Variants in PDZRN3 observed in about 807,000 individuals in gnomAD.
PDZRN3 encodes E3 ubiquitin-protein ligase PDZRN3.
A neutral mutation model predicts 85.7 loss-of-function variants in PDZRN3; 38 were observed. That is an observed-to-expected ratio of 0.44 (90% CI 0.34 to 0.58). The LOEUF (loss-of-function observed/expected upper bound fraction) is 0.58, where lower values mean the gene tolerates loss of function less well. PDZRN3 is among the 20% of genes least tolerant of loss of function. PDZRN3 has a pLI of 0.01. For missense variants in PDZRN3, 1,629 were observed against 1,506.4 expected, an observed-to-expected ratio of 1.08 and a Z score of -1.35; for synonymous variants, 759 against 638.0, an observed-to-expected ratio of 1.19 and a Z score of -2.86.
intron 3 of PDZRN3, among the ~76,000 whole-genome samples, chr3:73,593,014 TA>T (rs1702381414): frequency 6.6e-6 from 1 of 151,980 alleles, no homozygotes; most frequent in Admixed American, 6.6e-5. Flanking sequence ...AGCCCATCCC[TA>T]ACACACCTTC....
chr3:73,518,278 A>T (rs1469627737), intron 3 of PDZRN3, among the ~76,000 whole-genome samples: 1 of 152,228 alleles, frequency 6.6e-6, no homozygotes, highest in Non-Finnish European at 1.5e-5. Flanking sequence ...GTATGATACC[A>T]CCTATGTGGT....
chr3:73,624,798 C>T lies in PDZRN3; in HGVS notation c.28G>A (p.Gly10Ser). 1 of 1,393,836 alleles carries T rather than the reference C, an allele frequency of 7.2e-7. No homozygotes were observed. Among genetic ancestry groups the T allele is most frequent in the Non-Finnish European group, 9.3e-7 (1 of 1,076,910 alleles). 86.3% of individuals were successfully genotyped at this position (1,393,836 alleles called of 1,614,324 possible). ...CACTTCAGGTCCGGGTCCACGTCGC[C>T]GTCGAAGCGGTCCAGCTCGAAGCCC... is the stretch of plus-strand genomic sequence containing the variant. MGFELDRFD[G>S]DVDPDLKCAL... The change falls in exon 1 of 10, where the codon GGC becomes AGC. Residue 10 changes from glycine to serine, a missense_variant. Coordinates refer to ENST00000263666, the MANE Select transcript of PDZRN3 (RefSeq NM_015009.3).
chr3:73,385,535 T>G (rs1013374992), intron 9 of PDZRN3, 134 bp downstream of exon 9: 6 of 639,274 alleles, frequency 9.4e-6, no homozygotes, highest in Non-Finnish European at 1.4e-5. Context: ...GAAAAGTACT[T>G]GAGGCTGTTT....
chr3:73,469,140 C>T (rs1703283273), intron 3 of PDZRN3, among the ~76,000 whole-genome samples: 1 of 150,972 alleles, frequency 6.6e-6, no homozygotes, highest in Non-Finnish European at 1.5e-5. Context: ...GTGGCACAAT[C>T]TCGGCTCACT....
At chr3:73,549,655 G>A (rs972603417) in intron 3 of PDZRN3, among the ~76,000 whole-genome samples, 15 of 152,282 alleles carry the variant, frequency 9.9e-5, no homozygotes, top group African/African-American at 3.1e-4. Flanking sequence ...CCCAAGAATC[G>A]GAGAAAGAGA....
At chr3:73,457,788 C>T (rs1559690064) in intron 3 of PDZRN3, among the ~76,000 whole-genome samples, 1 of 152,094 alleles carries the variant, frequency 6.6e-6, no homozygotes, top group Non-Finnish European at 1.5e-5. Flanking sequence ...CAGAAAGCAC[C>T]CTTGCCCTTC....
At chr3:73,581,847 C>G (rs537862646) in intron 3 of PDZRN3, among the ~76,000 whole-genome samples, 2 of 151,078 alleles carry the variant, frequency 1.3e-5, no homozygotes, top group Non-Finnish European at 2.9e-5. Flanking sequence ...ATCTGTAATC[C>G]CAGCACTTTG....
intron 3 of PDZRN3, among the ~76,000 whole-genome samples, chr3:73,586,615 A>AC (rs1470418127): frequency 1.3e-5 from 2 of 152,118 alleles, no homozygotes; most frequent in Non-Finnish European, 2.9e-5. Context: ...GGGACACTTC[A>AC]CCGGGGGGGT....
At chr3:73,557,795 C>A (rs1341147319) in intron 3 of PDZRN3, among the ~76,000 whole-genome samples, 2 of 152,084 alleles carry the variant, frequency 1.3e-5, no homozygotes, top group Non-Finnish European at 2.9e-5. Flanking sequence ...TTTAAAATAT[C>A]ATTTAAAATC....
At chr3:73,437,849 C>T (rs932467295) in intron 3 of PDZRN3, among the ~76,000 whole-genome samples, 4 of 152,050 alleles carry the variant, frequency 2.6e-5, no homozygotes, top group Admixed American at 1.3e-4. Context: ...GGTTCACCTG[C>T]TTGATGATAC....
chr3:73,493,590 G>T (rs73098429), intron 3 of PDZRN3, among the ~76,000 whole-genome samples: 4 of 152,190 alleles, frequency 2.6e-5, no homozygotes, highest in Non-Finnish European at 5.9e-5. Context: ...TGCACCTCTT[G>T]TTTCTGCCCG....
intron 3 of PDZRN3, 133 bp downstream of exon 3, chr3:73,602,221 T>C (rs1702525402): frequency 1.6e-6 from 1 of 637,946 alleles, no homozygotes; most frequent in Admixed American, 2.6e-5. Flanking sequence ...TCCCACACAA[T>C]GGGAAAAGTG....
chr3:73,466,000 T>C (rs756687899), intron 3 of PDZRN3, among the ~76,000 whole-genome samples: 2 of 152,178 alleles, frequency 1.3e-5, no homozygotes, highest in African/African-American at 2.4e-5. Flanking sequence ...GAAGATTGTA[T>C]TTTCCTGATT....
intron 2 of PDZRN3, among the ~76,000 whole-genome samples, chr3:73,604,569 C>G (rs1702566058): frequency 6.6e-6 from 1 of 151,972 alleles, no homozygotes; most frequent in Non-Finnish European, 1.5e-5. Flanking sequence ...ATTCAGAAGT[C>G]CAACATTTCA....
chr3:73,434,017 G>A lies in PDZRN3; in HGVS notation c.919-29622C>T, dbSNP rs549872040. ...AGCTGGATTGTGGTCCAATGCACAC[G>A]CTATATATACTGCTGCTCATGCATA... On this transcript the variant is annotated intron_variant, in intron 3 of 9. Coordinates refer to ENST00000263666, the MANE Select transcript of PDZRN3 (RefSeq NM_015009.3). 4.1e-5 allele frequency: 46 copies of A among 1,115,290 alleles called. 1 individual carries two copies. In the South Asian group the frequency reaches 1.1e-3, roughly 26 times the overall value. 69.1% of individuals were successfully genotyped at this position (1,115,290 alleles called of 1,614,324 possible).
chr3:73,575,490 G>A (rs1702109769), intron 3 of PDZRN3, among the ~76,000 whole-genome samples: 1 of 152,172 alleles, frequency 6.6e-6, no homozygotes, highest in South Asian at 2.1e-4. Context: ...TTCTCAAGTA[G>A]AAACGCGAGA....
At chr3:73,556,182 A>C (rs1018873049) in intron 3 of PDZRN3, among the ~76,000 whole-genome samples, 2 of 152,202 alleles carry the variant, frequency 1.3e-5, no homozygotes, top group African/African-American at 4.8e-5. Flanking sequence ...AGAAAATCTC[A>C]CATTTAATAA....
chr3:73,445,443 A>G, intron 3 of PDZRN3, among the ~76,000 whole-genome samples: 1 of 152,226 alleles, frequency 6.6e-6, no homozygotes, highest in Non-Finnish European at 1.5e-5. Flanking sequence ...GACACTTGAG[A>G]AAAACAAAAC....
intron 3 of PDZRN3, chr3:73,433,638 C>T: frequency 1.3e-6 from 2 of 1,528,966 alleles, no homozygotes; most frequent in Non-Finnish European, 1.8e-6. Context: ...CAGGGTGTTA[C>T]CTGACAAACT....
Sources: gnomAD v4.1 joint callset for allele counts (sites outside exome capture counted in the v4.1 genomes callset) on GRCh38, gnomAD v4.1.1 for gene constraint, MANE v1.5 for transcripts, NCBI Gene and HGNC (gene_info 2026-07-23, HGNC 2026-07-21) for gene names.